ZCWPW2: variants seen among roughly 807,000 people sequenced by gnomAD.
ZCWPW2 encodes the protein zinc finger CW-type PWWP domain protein 2.
Under a neutral mutation model 46.6 loss-of-function variants are expected in ZCWPW2, and 45 were observed. The observed-to-expected ratio is 0.96, with a 90% CI of 0.76 to 1.24. The LOEUF (loss-of-function observed/expected upper bound fraction) is 1.24, where lower values mean the gene tolerates loss of function less well. ZCWPW2 is among the 50% of genes most tolerant of loss of function. ZCWPW2 has a pLI of 0.00. For missense variants in ZCWPW2, 429 were observed against 403.9 expected (o/e 1.06, Z -0.53); for synonymous variants, 152 against 137.1 (o/e 1.11, Z -0.76).
At chr3:28,489,219 C>T (rs540681978) in intron 5 of ZCWPW2, among the ~76,000 whole-genome samples, 18 of 152,048 alleles carry the variant, frequency 1.2e-4, no homozygotes, top group Non-Finnish European at 2.1e-4. Context: ...ACATAGACTC[C>T]AATTTTAGTT....
At chr3:28,508,059 C>CA (rs1700326883) in intron 6 of ZCWPW2, among the ~76,000 whole-genome samples, 1 of 152,070 alleles carries the variant, frequency 6.6e-6, no homozygotes, top group Non-Finnish European at 1.5e-5. Context: ...ATCTGCTCAG[C>CA]TTCTGGTGAG....
chr3:28,413,475 G>T, intron 3 of ZCWPW2, 75 bp downstream of exon 3: 1 of 1,263,522 alleles, frequency 7.9e-7, no homozygotes, highest in South Asian at 1.8e-5. Context: ...TCTTTTTGAA[G>T]ACTAAACATT....
intron 2 of ZCWPW2, among the ~76,000 whole-genome samples, chr3:28,399,143 G>C (rs1377314046): frequency 6.6e-6 from 1 of 152,134 alleles, no homozygotes; most frequent in Non-Finnish European, 1.5e-5. Context: ...TGGCAGCTGG[G>C]TGAGGCCTGT....
intron 5 of ZCWPW2, among the ~76,000 whole-genome samples, chr3:28,490,062 GA>G: frequency 6.6e-6 from 1 of 152,170 alleles, no homozygotes; most frequent in East Asian, 1.9e-4. Context: ...ATGAGCATAT[GA>G]AAAAATGCTC....
chr3:28,465,382 G>A (rs183627173), intron 4 of ZCWPW2, among the ~76,000 whole-genome samples: 292 of 152,248 alleles, frequency 1.9e-3, no homozygotes, highest in African/African-American at 6.6e-3. Context: ...TTCAGTGAAA[G>A]ATTCAAATTG....
chr3:28,471,666 G>A (rs569663178), intron 4 of ZCWPW2, among the ~76,000 whole-genome samples: 4 of 152,184 alleles, frequency 2.6e-5, no homozygotes, highest in Non-Finnish European at 4.4e-5. Context: ...ACTGAAAGCC[G>A]TTTCTTTAAA....
chr3:28,484,493 C>T (rs140819257), intron 5 of ZCWPW2, among the ~76,000 whole-genome samples: 10 of 152,138 alleles, frequency 6.6e-5, no homozygotes, highest in South Asian at 4.1e-4. Context: ...TTTCTTTTTG[C>T]GAAAATTTTA....
Position 28,506,758 on chromosome 3 carries a change from G to T in ZCWPW2, c.658-7306G>T, listed in dbSNP as rs566946097. On this transcript the variant is annotated intron_variant, in intron 6 of 9. Transcript: ENST00000383768. ...TGATAATTTGTTACAGCAGTCCTAG[G>T]AAACTAGTGTACTACCCAAGCTCCT... Among the ~76,000 whole-genome samples, 170 of 152,052 alleles carry T rather than the reference G, an allele frequency of 1.1e-3. 1 individual carries two copies. The highest frequency in any genetic ancestry group is 3.7e-3 in the African/African-American group (155 of 41,468).
intron 6 of ZCWPW2, among the ~76,000 whole-genome samples, chr3:28,513,461 T>C (rs1700481763): frequency 6.6e-6 from 1 of 152,200 alleles, no homozygotes; most frequent in Admixed American, 6.5e-5. Flanking sequence ...ACCTTATTGC[T>C]TTTGTGTCCC....
In ZCWPW2 at chr3:28,429,495, T is replaced by C. The variant is rs142411828; in HGVS notation, c.333-5615T>C. Reference sequence around the variant, plus strand: ...AAAAGGGAAGTAGAGCATAAAAGTTTGGAAAATTAGCAGCCTGATGATGTG... The same window carrying C: ...AAAAGGGAAGTAGAGCATAAAAGTTCGGAAAATTAGCAGCCTGATGATGTG... On this transcript the variant is annotated intron_variant, in intron 3 of 9. Transcript: ENST00000383768. Among the ~76,000 whole-genome samples the C allele has an allele frequency of 6.8e-3, 1,039 of 152,318 alleles. 10 individuals carry two copies. The highest frequency in any genetic ancestry group is 0.023 in the African/African-American group (942 of 41,572).
At chr3:28,467,290 A>G (rs1698859397) in intron 4 of ZCWPW2, among the ~76,000 whole-genome samples, 1 of 149,892 alleles carries the variant, frequency 6.7e-6, no homozygotes, top group African/African-American at 2.5e-5. Flanking sequence ...AATACAAACT[A>G]CAAACAGAGG....
At chr3:28,406,934 C>G (rs1471251753) in intron 2 of ZCWPW2, among the ~76,000 whole-genome samples, 1 of 151,540 alleles carries the variant, frequency 6.6e-6, no homozygotes, top group African/African-American at 2.4e-5. Flanking sequence ...CTGAAGCAAT[C>G]CTCATGCCTC....
At chr3:28,511,203 A>C in intron 6 of ZCWPW2, 1 of 345,406 alleles carries the variant, frequency 2.9e-6, no homozygotes, top group South Asian at 2.3e-5. Context: ...TCAACTATCC[A>C]GATGTTAACC....
At chr3:28,456,759 GTGATTCATCACATTTATTGATTTGC>G (rs1209812093) in intron 4 of ZCWPW2, among the ~76,000 whole-genome samples, 2 of 152,074 alleles carry the variant, frequency 1.3e-5, no homozygotes, top group Non-Finnish European at 2.9e-5. Context: ...TTCTGTTTAT[GTGATTCATCACATTTATTGATTTGC>G]ATATGTTGAA....
At chr3:28,420,663 G>T (rs540322010) in intron 3 of ZCWPW2, among the ~76,000 whole-genome samples, 1 of 146,946 alleles carries the variant, frequency 6.8e-6, no homozygotes, top group Non-Finnish European at 1.5e-5. Flanking sequence ...TTTGATCTTT[G>T]TAAGGCCATG....
chr3:28,403,860 G>A (rs941651035), intron 2 of ZCWPW2, among the ~76,000 whole-genome samples: 1 of 152,148 alleles, frequency 6.6e-6, no homozygotes, highest in East Asian at 1.9e-4. Flanking sequence ...GATGAAACTG[G>A]ATCCTCATCT....
At position 28,524,778 on chromosome 3, in the gene ZCWPW2, G is replaced by T; in HGVS notation, c.*90G>T. ...AACTTTAAAAATGTTTAGTGAAATAGGTATAAATTATACCAAAGTTTATAT... is the reference window on the plus strand; with the variant it reads ...AACTTTAAAAATGTTTAGTGAAATATGTATAAATTATACCAAAGTTTATAT... On this transcript the variant is annotated 3_prime_UTR_variant, in exon 10 of 10. Coordinates refer to ENST00000383768, the MANE Select transcript of ZCWPW2 (RefSeq NM_001040432.4). 9.0e-7 allele frequency: 1 copy of T among 1,107,706 alleles called. No individual in the cohort carries two copies. 68.6% of individuals were successfully genotyped at this position (1,107,706 alleles called of 1,614,324 possible). A position where few individuals can be genotyped will look rare whatever the true frequency, so the allele number is the denominator to read the frequency against.
intron 4 of ZCWPW2, among the ~76,000 whole-genome samples, chr3:28,468,053 CAAAG>C (rs1466043395): frequency 2.6e-5 from 4 of 151,828 alleles, no homozygotes; most frequent in Admixed American, 6.6e-5. Context: ...TTGAGGAACT[CAAAG>C]AAATTCAAGA....
chr3:28,472,968 G>T (rs1165688533), intron 4 of ZCWPW2, among the ~76,000 whole-genome samples: 1 of 151,958 alleles, frequency 6.6e-6, no homozygotes, highest in Non-Finnish European at 1.5e-5. Context: ...TGACAAACAG[G>T]CATATGAAAA....
Sources: allele counts gnomAD v4.1 joint callset (sites outside exome capture counted in the v4.1 genomes callset), GRCh38; gene constraint gnomAD v4.1.1; transcripts MANE v1.5; gene names NCBI Gene and HGNC (gene_info 2026-07-23, HGNC 2026-07-21).